The following CELF2 variants were observed in gnomAD, a reference collection of about 807,000 sequenced individuals.
CELF2 encodes CUGBP Elav-like family member 2.
A neutral mutation model predicts 62.6 loss-of-function variants in CELF2; 8 were observed. The observed-to-expected ratio is 0.13, with a 90% CI of 0.07 to 0.23. The LOEUF (loss-of-function observed/expected upper bound fraction) is 0.23, where lower values mean the gene tolerates loss of function less well. CELF2 is among the 10% of genes least tolerant of loss of function. CELF2 has a pLI of 1.00. For missense variants in CELF2, 333 were observed against 671.0 expected, an observed-to-expected ratio of 0.50 and a Z score of 5.56; for synonymous variants, 258 against 250.0, an observed-to-expected ratio of 1.03 and a Z score of -0.30.
the CELF2 span, among the ~76,000 whole-genome samples, chr10:10,755,489 C>T: frequency 5.3e-5 from 8 of 152,278 alleles, no homozygotes; most frequent in East Asian, 1.5e-3. Context: ...TACATTTTCG[C>T]GCGCAGTCTC....
the CELF2 span, among the ~76,000 whole-genome samples, chr10:10,473,914 A>G: frequency 6.6e-6 from 1 of 152,062 alleles, no homozygotes; most frequent in Non-Finnish European, 1.5e-5. Context: ...TAACAGTGAA[A>G]AAGTTCAACA....
chr10:10,679,610 C>A, the CELF2 span, among the ~76,000 whole-genome samples: 1 of 152,142 alleles, frequency 6.6e-6, no homozygotes, highest in African/African-American at 2.4e-5. Context: ...CTTTTAAAAA[C>A]CTTTTTTATC....
chr10:10,680,569 C>T, the CELF2 span, among the ~76,000 whole-genome samples: 1 of 152,192 alleles, frequency 6.6e-6, no homozygotes, highest in Non-Finnish European at 1.5e-5. Context: ...GTCCAGAGTT[C>T]TTATTAGGGC....
chr10:11,143,568 T>C lies in CELF2; in HGVS notation c.75-21918T>C, dbSNP rs79018133. Among the ~76,000 whole-genome samples the C allele has an allele frequency of 4.0e-4, 61 of 152,368 alleles. No individual in the cohort carries two copies. The East Asian group carries it at 0.011, about 27-fold the overall frequency. On this transcript the variant is annotated intron_variant, in intron 1 of 12. Coordinates refer to ENST00000633077, the MANE Select transcript of CELF2 (RefSeq NM_001326342.2). The stretch of plus-strand genomic sequence containing the variant: ...CCCCAGAAGAATTAGTTGGATGTTT[T>C]CTACTATGCATACCATTGCTTTCCT...
chr10:11,125,660 C>T (rs541272516), intron 1 of CELF2, among the ~76,000 whole-genome samples: 5 of 152,228 alleles, frequency 3.3e-5, no homozygotes, highest in African/African-American at 9.6e-5. Flanking sequence ...GCTGTTAGAG[C>T]GGTGATGGTA....
intron 7 of CELF2, among the ~76,000 whole-genome samples, chr10:11,271,267 C>G (rs1328246383): frequency 6.6e-6 from 1 of 152,216 alleles, no homozygotes; most frequent in African/African-American, 2.4e-5. Flanking sequence ...CTTACTTCAT[C>G]TATTTGAAAC....
intron 2 of CELF2, among the ~76,000 whole-genome samples, chr10:11,175,708 C>T (rs1471815187): frequency 6.6e-6 from 1 of 152,078 alleles, no homozygotes; most frequent in African/African-American, 2.4e-5. Flanking sequence ...CCTTCAAAGC[C>T]CTGGGACCGT....
intron 1 of CELF2, among the ~76,000 whole-genome samples, chr10:10,826,160 A>G (rs2057371933): frequency 6.6e-6 from 1 of 151,910 alleles, no homozygotes; most frequent in Non-Finnish European, 1.5e-5. Context: ...ACTAATAGTG[A>G]TTGGATGGGG....
chr10:10,551,772 G>A, the CELF2 span, among the ~76,000 whole-genome samples: 1 of 152,216 alleles, frequency 6.6e-6, no homozygotes, highest in African/African-American at 2.4e-5. Context: ...GGGTCCAGGA[G>A]CGCTGGTTTT....
the CELF2 span, among the ~76,000 whole-genome samples, chr10:10,656,810 A>G: frequency 2.0e-5 from 3 of 147,552 alleles, no homozygotes; most frequent in Non-Finnish European, 4.5e-5. Flanking sequence ...AGCATGGCAC[A>G]TGTATACATA....
the CELF2 span, among the ~76,000 whole-genome samples, chr10:10,635,311 AAG>A: frequency 2.0e-5 from 3 of 152,204 alleles, no homozygotes; most frequent in African/African-American, 7.2e-5. Flanking sequence ...TTCCTGCAAA[AAG>A]AAATCCCTAT....
chr10:11,237,235 A>G lies in CELF2; in HGVS notation c.355-11918A>G, dbSNP rs2136683929. 6.6e-6 allele frequency among the ~76,000 whole-genome samples: 1 copy of G among 152,330 alleles called. No homozygotes were observed. Among genetic ancestry groups the G allele is most frequent in the Middle Eastern group, 3.4e-3 (1 of 294 alleles). ...GAGAGAGAGCTAAACTGAGGATTTCAAGGGGTAGAAAATTAAGCAAATTTA... is the reference window on the plus strand; with the variant it reads ...GAGAGAGAGCTAAACTGAGGATTTCGAGGGGTAGAAAATTAAGCAAATTTA... On this transcript the variant is annotated intron_variant, in intron 3 of 12. Transcript: ENST00000633077. The surrounding 1 kb of genome is among the most constrained non-coding windows in gnomAD (Gnocchi z 4.0).
At chr10:10,467,033 C>T in the CELF2 span, among the ~76,000 whole-genome samples, 1 of 151,964 alleles carries the variant, frequency 6.6e-6, no homozygotes, top group Non-Finnish European at 1.5e-5. Context: ...AATATACTTT[C>T]ATTTGAATTA....
At chr10:10,499,840 T>C in the CELF2 span, among the ~76,000 whole-genome samples, 1 of 152,194 alleles carries the variant, frequency 6.6e-6, no homozygotes, top group East Asian at 1.9e-4. Flanking sequence ...ATCATGCCAC[T>C]GCACTCCAGC....
chr10:10,508,708 A>ATTT, the CELF2 span, among the ~76,000 whole-genome samples: 89 of 134,478 alleles, frequency 6.6e-4, no homozygotes, highest in South Asian at 7.8e-3. Flanking sequence ...GTGTGTGTAT[A>ATTT]TTTTTTTTTT....
chr10:10,484,756 C>T, the CELF2 span, among the ~76,000 whole-genome samples: 2 of 152,034 alleles, frequency 1.3e-5, no homozygotes, highest in South Asian at 2.1e-4. Flanking sequence ...GATGATGAAC[C>T]TAAAAATTAA....
intron 2 of CELF2, among the ~76,000 whole-genome samples, chr10:11,200,271 T>G (rs1588912809): frequency 6.6e-6 from 1 of 152,238 alleles, no homozygotes; most frequent in Non-Finnish European, 1.5e-5. Context: ...GTATCTCACA[T>G]TCAGCCTCAC....
chr10:10,729,536 G>A, the CELF2 span, among the ~76,000 whole-genome samples: 1 of 152,104 alleles, frequency 6.6e-6, no homozygotes, highest in African/African-American at 2.4e-5. Context: ...CATTATATGA[G>A]ACAAAGATAA....
intron 1 of CELF2, among the ~76,000 whole-genome samples, chr10:10,896,748 C>T (rs985743596): frequency 3.3e-5 from 5 of 152,160 alleles, no homozygotes; most frequent in African/African-American, 9.7e-5. Context: ...GCCAGCACTT[C>T]GGTCTCAAAC....
Sources: allele counts gnomAD v4.1 joint callset (sites outside exome capture counted in the v4.1 genomes callset), GRCh38; gene constraint gnomAD v4.1.1; non-coding constraint Gnocchi (gnomAD v3.1); transcripts MANE v1.5; gene names NCBI Gene and HGNC (gene_info 2026-07-23, HGNC 2026-07-21).